TRIM35: variants seen among roughly 807,000 people sequenced by gnomAD.
TRIM35 encodes E3 ubiquitin-protein ligase TRIM35.
Under a neutral mutation model 49.1 loss-of-function variants are expected in TRIM35, and 37 were observed. The observed-to-expected ratio is 0.75, with a 90% confidence interval of 0.58 to 0.99. TRIM35 has a LOEUF of 0.99. TRIM35 is among the 50% of genes least tolerant of loss of function. The pLI is 0.00. For missense variants in TRIM35, 648 were observed against 702.7 expected (o/e 0.92, Z 0.88); for synonymous variants, 302 against 289.3 (o/e 1.04, Z -0.45).
Position 27,294,149 on chromosome 8 carries a change from C to CGAG in TRIM35, c.692_693insCTC (p.Thr231_Glu232insSer). 1 of 1,614,218 alleles carries CGAG rather than the reference C, an allele frequency of 6.2e-7. No homozygotes were observed. The highest frequency in any genetic ancestry group is 8.5e-7 in the Non-Finnish European group (1 of 1,180,042). ...GCTCGATCTCATGTGCCAGCACCTC[C>CGAG]GTCTCCTCTGTGAGCTGCTTCATCT... is the stretch of plus-strand genomic sequence containing the variant. On this transcript the variant is annotated inframe_insertion, in exon 3 of 6. Coordinates refer to ENST00000305364, the MANE Select transcript of TRIM35 (RefSeq NM_171982.5).
chr8:27,291,427 CTG>C (rs894710704), intron 3 of TRIM35, among the ~76,000 whole-genome samples: 28 of 152,136 alleles, frequency 1.8e-4, no homozygotes, highest in African/African-American at 6.5e-4. Context: ...TATGGAGAAA[CTG>C]GAATCCACAT....
chr8:27,306,180 G>C (rs777902635), intron 1 of TRIM35, among the ~76,000 whole-genome samples: 1 of 152,042 alleles, frequency 6.6e-6, no homozygotes, highest in Non-Finnish European at 1.5e-5. Context: ...ATAGAATGAC[G>C]CACGGTCTGT....
chr8:27,309,673 A>C (rs1802863500), intron 1 of TRIM35, among the ~76,000 whole-genome samples: 2 of 152,116 alleles, frequency 1.3e-5, no homozygotes, highest in Non-Finnish European at 2.9e-5. Context: ...AATGTTTCAC[A>C]TTCTGGGTAA....
intron 1 of TRIM35, among the ~76,000 whole-genome samples, chr8:27,299,503 G>A (rs995875585): frequency 3.3e-5 from 5 of 152,154 alleles, no homozygotes; most frequent in African/African-American, 9.7e-5. Context: ...ATTTATAGAT[G>A]AGAAAGTGAG....
chr8:27,294,006 C>T (rs908322643), intron 3 of TRIM35, 74 bp downstream of exon 3: 10 of 1,486,336 alleles, frequency 6.7e-6, no homozygotes, highest in Admixed American at 1.9e-5. Context: ...TTGGCCAGGG[C>T]TGGTGGGCTA....
chr8:27,293,974 A>G (rs1563439278), intron 3 of TRIM35, 106 bp downstream of exon 3: 5 of 1,087,068 alleles, frequency 4.6e-6, no homozygotes, highest in Non-Finnish European at 6.6e-6. Context: ...GCCAGTACCC[A>G]GGAAGCTCCA....
At chr8:27,305,059 G>A (rs1802756497) in intron 1 of TRIM35, among the ~76,000 whole-genome samples, 1 of 152,114 alleles carries the variant, frequency 6.6e-6, no homozygotes, top group Non-Finnish European at 1.5e-5. Context: ...TTCCTCATCT[G>A]GATAAGAGGG....
At chr8:27,299,019 G>T (rs886105359) in intron 1 of TRIM35, among the ~76,000 whole-genome samples, 3 of 152,130 alleles carry the variant, frequency 2.0e-5, no homozygotes, top group Non-Finnish European at 2.9e-5. Flanking sequence ...GACAATGGGG[G>T]TGGAGCCAGT....
chr8:27,302,964 A>G (rs1355782010), intron 1 of TRIM35, among the ~76,000 whole-genome samples: 1 of 152,100 alleles, frequency 6.6e-6, no homozygotes, highest in Non-Finnish European at 1.5e-5. Context: ...CCCACACAAA[A>G]CTGAATAGAG....
At chr8:27,293,942 G>C in intron 3 of TRIM35, 138 bp downstream of exon 3, 2 of 719,356 alleles carry the variant, frequency 2.8e-6, no homozygotes, top group Non-Finnish European at 4.5e-6. Flanking sequence ...AAGCAGAGCA[G>C]GTTACTTGTG....
chr8:27,302,671 G>T (rs1802703334), intron 1 of TRIM35, among the ~76,000 whole-genome samples: 1 of 152,144 alleles, frequency 6.6e-6, no homozygotes, highest in African/African-American at 2.4e-5. Flanking sequence ...GCCTCCCAAA[G>T]TGCTGGGATT....
Position 27,310,875 on chromosome 8 carries a change from A to G in TRIM35, c.361T>C (p.Cys121Arg), listed in dbSNP as rs776135309. ...TGTCGGGGGTCGGCCTGGCAGGAGCAGCACAGCAGCTCCTTGTCCTCGAGG... is the reference window on the plus strand; with the variant it reads ...TGTCGGGGGTCGGCCTGGCAGGAGCGGCACAGCAGCTCCTTGTCCTCGAGG... ...FCLEDKELLC[C>R]SCQADPRHQG... The change falls in exon 1 of 6, where the codon TGC becomes CGC. Residue 121 changes from cysteine to arginine, a missense_variant. Cys to Arg is a radical substitution (Grantham distance 180). Coordinates refer to ENST00000305364, the MANE Select transcript of TRIM35 (RefSeq NM_171982.5). 3 of 1,612,784 alleles carry G rather than the reference A, an allele frequency of 1.9e-6. No homozygotes were observed. The South Asian group carries it at 3.3e-5, about 18-fold the overall frequency.
intron 3 of TRIM35, among the ~76,000 whole-genome samples, chr8:27,291,843 C>A (rs1408160481): frequency 6.6e-6 from 1 of 152,170 alleles, no homozygotes; most frequent in Non-Finnish European, 1.5e-5. Context: ...ACACATAAGA[C>A]CAAGAGCAAG....
intron 1 of TRIM35, 21 bp from the exon 2 acceptor site, chr8:27,298,580 A>G: frequency 6.2e-7 from 1 of 1,607,574 alleles, no homozygotes; most frequent in Non-Finnish European, 8.5e-7. Flanking sequence ...AATGAGAGAG[A>G]GGGAGGAAGA....
At chr8:27,294,024 C>G in intron 3 of TRIM35, 56 bp downstream of exon 3, 1 of 1,567,254 alleles carries the variant, frequency 6.4e-7, no homozygotes. Context: ...CTATGGCTCC[C>G]AGCTGGTCCT....
chr8:27,311,217 C>G lies in TRIM35; in HGVS notation c.19G>C (p.Val7Leu). The G allele has an allele frequency of 1.3e-6, 2 of 1,568,966 alleles. No individual in the cohort carries two copies. The highest frequency in any genetic ancestry group is 2.3e-5 in the South Asian group (2 of 85,504). Residue 7 changes from valine to leucine, a missense_variant, in exon 1 of 6, where the codon GTG (valine) becomes CTG (leucine). Coordinates refer to ENST00000305364, the MANE Select transcript of TRIM35 (RefSeq NM_171982.5). MERSPD[V>L]SPGPSRSFKE... ...AAGGAGCGGGAAGGCCCGGGGGACA[C>G]GTCGGGACTCCGCTCCATGGCACGA...
chr8:27,306,676 G>A (rs1586056519), intron 1 of TRIM35, among the ~76,000 whole-genome samples: 3 of 152,278 alleles, frequency 2.0e-5, no homozygotes, highest in South Asian at 2.1e-4. Context: ...GACTTTCATC[G>A]TCTTGTCCTG....
intron 3 of TRIM35, among the ~76,000 whole-genome samples, chr8:27,292,966 C>T (rs560440194): frequency 1.3e-5 from 2 of 152,150 alleles, no homozygotes; most frequent in African/African-American, 2.4e-5. Context: ...CCTCGAGACA[C>T]ACAGCTTTTA....
intron 3 of TRIM35, 183 bp downstream of exon 3, chr8:27,293,897 C>T (rs752546204): frequency 1.0e-4 from 63 of 606,138 alleles, no homozygotes; most frequent in Non-Finnish European, 1.8e-4. Context: ...TTTCAAGGAA[C>T]TCCGCCCTGA....
Sources: allele counts gnomAD v4.1 joint callset (sites outside exome capture counted in the v4.1 genomes callset), GRCh38; gene constraint gnomAD v4.1.1; transcripts MANE v1.5; gene names NCBI Gene and HGNC (gene_info 2026-07-23, HGNC 2026-07-21).